Variants in CSMD1 observed in about 807,000 individuals in gnomAD.
The protein encoded by CSMD1 is CUB and Sushi multiple domains 1.
CSMD1 carries 213 observed loss-of-function variants against 417.5 expected under a neutral mutation model. The ratio of observed to expected loss-of-function variants is 0.51; its 90% CI spans 0.46 to 0.57. The LOEUF is 0.57. Among genes scored for constraint, CSMD1 ranks in the 20% least tolerant of loss-of-function variants. The probability of loss-of-function intolerance (pLI) is 0.00; values close to 1 mark genes in which losing one functional copy is unlikely to be tolerated. For missense variants in CSMD1, 6,923 were observed against 4,529.7 expected (o/e 1.53, Z -15.17); for synonymous variants, 2,862 against 1,736.8 (o/e 1.65, Z -16.11).
At chr8:4,020,725 C>A (rs1796747627) in intron 4 of CSMD1, among the ~76,000 whole-genome samples, 1 of 152,238 alleles carries the variant, frequency 6.6e-6, no homozygotes. Context: ...TCAAAGTCTT[C>A]TGTAATCTTC....
At chr8:3,426,112 G>A (rs558425909) in intron 12 of CSMD1, among the ~76,000 whole-genome samples, 2 of 152,098 alleles carry the variant, frequency 1.3e-5, no homozygotes, top group Non-Finnish European at 2.9e-5. Flanking sequence ...AATTATACTT[G>A]GTAACGTTTT....
intron 2 of CSMD1, among the ~76,000 whole-genome samples, chr8:4,635,525 T>C (rs1802769206): frequency 6.6e-6 from 1 of 151,920 alleles, no homozygotes; most frequent in Non-Finnish European, 1.5e-5. Context: ...AGAAAGAAAA[T>C]GGAAACATTT....
At chr8:3,386,594 G>A (rs545269058) in intron 18 of CSMD1, among the ~76,000 whole-genome samples, 5 of 152,276 alleles carry the variant, frequency 3.3e-5, no homozygotes, top group African/African-American at 1.2e-4. Flanking sequence ...AAGTCAAGGT[G>A]TTTAATGAAT....
At chr8:3,408,878 T>C (rs192551742) in intron 13 of CSMD1, among the ~76,000 whole-genome samples, 60 of 152,318 alleles carry the variant, frequency 3.9e-4, no homozygotes, top group Non-Finnish European at 6.6e-4. Flanking sequence ...CCATATAATT[T>C]TGTACACACT....
chr8:4,904,484 G>T (rs1054241409), intron 1 of CSMD1, among the ~76,000 whole-genome samples: 4 of 152,060 alleles, frequency 2.6e-5, no homozygotes, highest in South Asian at 4.2e-4. Context: ...AGCTGGTAGG[G>T]CTCAATCGTC....
intron 10 of CSMD1, among the ~76,000 whole-genome samples, chr8:3,573,652 T>G (rs1015350672): frequency 6.6e-6 from 1 of 152,108 alleles, no homozygotes; most frequent in African/African-American, 2.4e-5. Flanking sequence ...AATCAGAACA[T>G]TTCTCTTTTA....
At chr8:3,709,678 A>ATCTTTTTTTTTTTTTTTTTTTTTTT (rs1563296488) in intron 6 of CSMD1, among the ~76,000 whole-genome samples, 1 of 24,320 alleles carries the variant, frequency 4.1e-5, no homozygotes, top group South Asian at 1.7e-3. Flanking sequence ...TTGCAGCAGC[A>ATCTTTTTTTTTTTTTTTTTTTTTTT]TGTTTTTTTT....
chr8:4,715,442 C>G (rs1337537923), intron 1 of CSMD1, among the ~76,000 whole-genome samples: 3 of 152,142 alleles, frequency 2.0e-5, no homozygotes, highest in African/African-American at 7.2e-5. Context: ...TACCCATTCC[C>G]TTGACAATCT....
intron 3 of CSMD1, among the ~76,000 whole-genome samples, chr8:4,095,108 G>T (rs567086744): frequency 6.6e-6 from 1 of 152,176 alleles, no homozygotes; most frequent in Non-Finnish European, 1.5e-5. Flanking sequence ...ACAAAGTGAC[G>T]TGACGGATAT....
chr8:3,919,042 A>C lies in CSMD1; in HGVS notation c.818+78861T>G, dbSNP rs577072681. 5.3e-5 allele frequency among the ~76,000 whole-genome samples: 8 copies of C among 152,152 alleles called. No homozygotes were observed. In the South Asian group the frequency reaches 8.3e-4, roughly 16 times the overall value. ...ACACCTATGGAAATATTTTTAAAAAATATGTGGTTGTAAAAATTTTCTCCC... is the reference window on the plus strand; with the variant it reads ...ACACCTATGGAAATATTTTTAAAAACTATGTGGTTGTAAAAATTTTCTCCC... On this transcript the variant is annotated intron_variant, in intron 5 of 69. Transcript: ENST00000635120.
intron 49 of CSMD1, among the ~76,000 whole-genome samples, chr8:3,063,435 A>G (rs1215458645): frequency 3.9e-5 from 6 of 152,354 alleles, no homozygotes; most frequent in Middle Eastern, 3.4e-3. Flanking sequence ...TTGATGACCT[A>G]TGGTGGTTCC....
chr8:3,800,199 G>A (rs1281028967), intron 5 of CSMD1, among the ~76,000 whole-genome samples: 3 of 152,260 alleles, frequency 2.0e-5, no homozygotes, highest in Non-Finnish European at 4.4e-5. Flanking sequence ...TCAGCAGAGA[G>A]CAGAACTTTC....
chr8:3,777,713 G>A (rs1215126469), intron 5 of CSMD1, among the ~76,000 whole-genome samples: 6 of 152,104 alleles, frequency 3.9e-5, no homozygotes, highest in Non-Finnish European at 7.4e-5. Context: ...TCCTTCAGAT[G>A]CAGAGTCTCA....
At chr8:3,608,851 C>T (rs767227938) in intron 8 of CSMD1, among the ~76,000 whole-genome samples, 7 of 151,914 alleles carry the variant, frequency 4.6e-5, no homozygotes, top group Non-Finnish European at 5.9e-5. Context: ...TACAACATGA[C>T]ACACCCCTTG....
chr8:3,694,252 G>T (rs1800422300), intron 7 of CSMD1, among the ~76,000 whole-genome samples: 1 of 152,080 alleles, frequency 6.6e-6, no homozygotes, highest in South Asian at 2.1e-4. Flanking sequence ...ATGGAGTCCA[G>T]GAAGAGCCTG....
intron 7 of CSMD1, among the ~76,000 whole-genome samples, chr8:3,617,789 T>C (rs892892505): frequency 6.6e-5 from 10 of 152,186 alleles, no homozygotes; most frequent in African/African-American, 2.4e-4. Context: ...GAACATTCTG[T>C]TGTATTTATT....
chr8:4,915,658 G>A (rs1806012134), intron 1 of CSMD1, among the ~76,000 whole-genome samples: 1 of 152,204 alleles, frequency 6.6e-6, no homozygotes, highest in African/African-American at 2.4e-5. Context: ...GACCTCGGAC[G>A]AGGGAACGTT....
chr8:4,012,263 T>C (rs139934113), intron 4 of CSMD1, among the ~76,000 whole-genome samples: 120 of 152,262 alleles, frequency 7.9e-4, no homozygotes, highest in Middle Eastern at 3.4e-3. Context: ...TCTAATCTTA[T>C]TGGCCAGTTC....
chr8:4,402,800 CTTTTTTTTTTTTTTT>C (rs60965667), intron 3 of CSMD1, among the ~76,000 whole-genome samples: 1 of 89,370 alleles, frequency 1.1e-5, no homozygotes, highest in Non-Finnish European at 2.0e-5. Flanking sequence ...TCACTTTTTT[CTTTTTTTTTTTTTTT>C]TTTTTCTTTT....
Sources: gnomAD v4.1 joint callset for allele counts (sites outside exome capture counted in the v4.1 genomes callset) on GRCh38, gnomAD v4.1.1 for gene constraint, MANE v1.5 for transcripts, NCBI Gene and HGNC (gene_info 2026-07-23, HGNC 2026-07-21) for gene names.